XRCC4: variants seen among roughly 807,000 people sequenced by gnomAD.
The protein encoded by XRCC4 is X-ray repair cross complementing 4, also known as DNA repair protein XRCC4.
Under a neutral mutation model 39.1 loss-of-function variants are expected in XRCC4, and 28 were observed. The observed-to-expected ratio is 0.72, with a 90% CI of 0.53 to 0.98. The LOEUF (loss-of-function observed/expected upper bound fraction) is 0.98. Among genes scored for constraint, XRCC4 ranks in the 50% least tolerant of loss-of-function variants. The probability of loss-of-function intolerance (pLI) is 0.00; values close to 1 mark genes in which losing one functional copy is unlikely to be tolerated. For missense variants in XRCC4, 350 were observed against 376.4 expected, an observed-to-expected ratio of 0.93 and a Z score of 0.58; for synonymous variants, 123 against 126.4, an observed-to-expected ratio of 0.97 and a Z score of 0.18.
chr5:83,364,394 C>T, the XRCC4 span, among the ~76,000 whole-genome samples: 4 of 152,004 alleles, frequency 2.6e-5, no homozygotes, highest in Non-Finnish European at 5.9e-5. Context: ...ACTTTTTCCA[C>T]CTCCCTGATG....
At chr5:83,257,035 T>A (rs1580432642) in intron 6 of XRCC4, among the ~76,000 whole-genome samples, 1 of 151,620 alleles carries the variant, frequency 6.6e-6, no homozygotes, top group Admixed American at 6.6e-5. Flanking sequence ...GAAAAAAAAA[T>A]CAAGAGAGGA....
At chr5:83,280,561 C>A in intron 7 of XRCC4, 1 of 522,238 alleles carries the variant, frequency 1.9e-6, no homozygotes, top group South Asian at 2.7e-5. Context: ...CACTGGAGCC[C>A]ACACTCCGAC....
intron 6 of XRCC4, among the ~76,000 whole-genome samples, chr5:83,241,384 A>G (rs1252586660): frequency 6.6e-6 from 1 of 152,214 alleles, no homozygotes; most frequent in African/African-American, 2.4e-5. Flanking sequence ...GAAGCACGAC[A>G]TAATTTTACA....
chr5:83,182,524 T>A (rs950226000), intron 3 of XRCC4, among the ~76,000 whole-genome samples: 2 of 152,228 alleles, frequency 1.3e-5, no homozygotes, highest in Non-Finnish European at 2.9e-5. Context: ...TGAGGTAATC[T>A]ATACAAATCC....
intron 7 of XRCC4, among the ~76,000 whole-genome samples, chr5:83,347,506 CTT>C (rs1392412199): frequency 1.3e-5 from 2 of 152,106 alleles, no homozygotes; most frequent in Non-Finnish European, 2.9e-5. Context: ...GTGCTACACA[CTT>C]TTAAACAATG....
intron 1 of XRCC4, among the ~76,000 whole-genome samples, chr5:83,087,742 A>AG (rs1209233511): frequency 6.6e-6 from 1 of 152,176 alleles, no homozygotes; most frequent in Non-Finnish European, 1.5e-5. Flanking sequence ...AAATACACAA[A>AG]AAAATTAATA....
At chr5:83,165,841 A>G (rs1282483989) in intron 3 of XRCC4, among the ~76,000 whole-genome samples, 1 of 150,160 alleles carries the variant, frequency 6.7e-6, no homozygotes, top group Non-Finnish European at 1.5e-5. Flanking sequence ...GTAGTATTTC[A>G]TGGTGTGTAT....
intron 7 of XRCC4, among the ~76,000 whole-genome samples, chr5:83,339,946 G>T (rs1303052658): frequency 6.6e-6 from 1 of 152,138 alleles, no homozygotes; most frequent in Non-Finnish European, 1.5e-5. Context: ...AATCCCATGT[G>T]TCTAGCTCAG....
intron 6 of XRCC4, among the ~76,000 whole-genome samples, chr5:83,218,709 T>C (rs2731858): frequency 0.38 from 58,003 of 151,876 alleles, 14,163 homozygotes; most frequent in East Asian, 0.81. Context: ...CACAAATGTC[T>C]GTTGGCATAA....
intron 6 of XRCC4, among the ~76,000 whole-genome samples, chr5:83,220,539 G>A (rs1157354895): frequency 1.3e-5 from 2 of 152,106 alleles, no homozygotes; most frequent in Non-Finnish European, 2.9e-5. Flanking sequence ...AACTCTGAGG[G>A]CCTGGGGATG....
At chr5:83,122,386 G>T (rs1747051895) in intron 3 of XRCC4, among the ~76,000 whole-genome samples, 2 of 152,054 alleles carry the variant, frequency 1.3e-5, no homozygotes, top group African/African-American at 4.8e-5. Context: ...AGACATTTTT[G>T]ATTGTCACGG....
chr5:83,153,333 C>G (rs371283741), intron 3 of XRCC4, among the ~76,000 whole-genome samples: 3 of 152,016 alleles, frequency 2.0e-5, no homozygotes, highest in Non-Finnish European at 4.4e-5. Flanking sequence ...CTTAGCCTCC[C>G]AAGTAGCTGG....
intron 7 of XRCC4, chr5:83,259,043 G>T: frequency 5.4e-6 from 1 of 183,814 alleles, no homozygotes; most frequent in Non-Finnish European, 1.1e-5. Context: ...ATTTAATTTG[G>T]TTATGCTTGG....
intron 3 of XRCC4, among the ~76,000 whole-genome samples, chr5:83,172,980 C>G (rs1749799155): frequency 6.6e-6 from 1 of 152,118 alleles, no homozygotes; most frequent in Non-Finnish European, 1.5e-5. Context: ...TGTGTTCTAA[C>G]AACAGTCACT....
intron 7 of XRCC4, chr5:83,310,885 C>CGTGA (rs1755687262): frequency 2.2e-6 from 1 of 455,812 alleles, no homozygotes; most frequent in Non-Finnish European, 4.4e-6. Context: ...TAAGGAGGAA[C>CGTGA]GTGAGCCAAC....
At chr5:83,183,215 G>A (rs914763168) in intron 3 of XRCC4, among the ~76,000 whole-genome samples, 8 of 151,856 alleles carry the variant, frequency 5.3e-5, no homozygotes, top group Non-Finnish European at 1.2e-4. Context: ...AAAAATTAAT[G>A]ATGCTCTCTC....
intron 6 of XRCC4, among the ~76,000 whole-genome samples, chr5:83,253,496 TTGTG>T (rs60610512): frequency 1.9e-4 from 29 of 149,684 alleles, no homozygotes; most frequent in African/African-American, 6.4e-4. Context: ...GGGTGTATGT[TTGTG>T]TGTGTGTGTG....
chr5:83,312,393 T>G (rs928074484), intron 7 of XRCC4, among the ~76,000 whole-genome samples: 5 of 152,178 alleles, frequency 3.3e-5, no homozygotes, highest in Admixed American at 1.3e-4. Context: ...TCATTCCCTA[T>G]GTTTTTATAG....
intron 7 of XRCC4, chr5:83,279,771 T>C (rs1754471659): frequency 6.6e-6 from 1 of 152,388 alleles, no homozygotes; most frequent in Admixed American, 6.5e-5. Context: ...ATCTATATTC[T>C]ATGTGAAAGT....
Sources: allele counts gnomAD v4.1 joint callset (sites outside exome capture counted in the v4.1 genomes callset), GRCh38; gene constraint gnomAD v4.1.1; transcripts MANE v1.5; gene names NCBI Gene and HGNC (gene_info 2026-07-23, HGNC 2026-07-21).